DPP10: variants seen among roughly 807,000 people sequenced by gnomAD.
The protein encoded by DPP10 is dipeptidyl peptidase like 10, also known as inactive dipeptidyl peptidase 10.
DPP10 carries 33 observed loss-of-function variants against 120.9 expected under a neutral mutation model. That is an observed-to-expected ratio of 0.27 (90% confidence interval 0.21 to 0.37). The LOEUF is 0.37. DPP10 is among the 10% of genes least tolerant of loss of function. The pLI is 1.00. For missense variants in DPP10, 816 were observed against 942.8 expected (o/e 0.87, Z 1.76); for synonymous variants, 337 against 326.1 (o/e 1.03, Z -0.36).
intron 2 of DPP10, among the ~76,000 whole-genome samples, chr2:115,339,005 G>T (rs2063307389): frequency 6.6e-6 from 1 of 152,096 alleles, no homozygotes; most frequent in Admixed American, 6.6e-5. Context: ...TCTAAAGAGG[G>T]TGAAAAGACA....
At chr2:115,194,475 T>C (rs1384758957) in intron 1 of DPP10, among the ~76,000 whole-genome samples, 1 of 152,180 alleles carries the variant, frequency 6.6e-6, no homozygotes, top group Non-Finnish European at 1.5e-5. Flanking sequence ...GCCTTCGTGC[T>C]TTTGGGTAAG....
chr2:115,509,209 C>T (rs139201897), intron 4 of DPP10, among the ~76,000 whole-genome samples: 121 of 152,166 alleles, frequency 8.0e-4, no homozygotes, highest in Admixed American at 1.4e-3. Context: ...AATAAAGACA[C>T]TAGTGGATGG....
intron 1 of DPP10, among the ~76,000 whole-genome samples, chr2:115,160,880 C>G (rs557347366): frequency 6.6e-6 from 1 of 152,036 alleles, no homozygotes; most frequent in African/African-American, 2.4e-5. Flanking sequence ...TGTTTAGTTT[C>G]TCTCCCCTGC....
At chr2:114,448,295 T>G (rs1400522532) in intron 1 of DPP10, among the ~76,000 whole-genome samples, 1 of 152,232 alleles carries the variant, frequency 6.6e-6, no homozygotes, top group African/African-American at 2.4e-5. Context: ...TTTTATGAAG[T>G]ATTTAGTATT....
intron 5 of DPP10, among the ~76,000 whole-genome samples, chr2:115,585,057 T>C (rs1013576027): frequency 6.6e-6 from 1 of 152,222 alleles, no homozygotes; most frequent in Non-Finnish European, 1.5e-5. Flanking sequence ...GGCGAAGTTA[T>C]AGTAGCAATA....
chr2:115,160,814 A>G (rs961569431), intron 1 of DPP10, among the ~76,000 whole-genome samples: 14 of 151,728 alleles, frequency 9.2e-5, no homozygotes, highest in African/African-American at 3.1e-4. Flanking sequence ...CCGGGCTCCC[A>G]ATTCCCACAC....
chr2:114,947,415 T>C (rs964238093), intron 1 of DPP10, among the ~76,000 whole-genome samples: 2 of 151,872 alleles, frequency 1.3e-5, no homozygotes, highest in African/African-American at 4.8e-5. Flanking sequence ...TATAAAATTA[T>C]TTGAGAGTCA....
intron 1 of DPP10, among the ~76,000 whole-genome samples, chr2:114,616,413 G>C (rs1418946304): frequency 6.6e-6 from 1 of 152,038 alleles, no homozygotes; most frequent in Non-Finnish European, 1.5e-5. Flanking sequence ...CATTTGCCAG[G>C]ACAAGATCAT....
At chr2:114,945,126 A>G (rs1192890789) in intron 1 of DPP10, among the ~76,000 whole-genome samples, 1 of 152,240 alleles carries the variant, frequency 6.6e-6, no homozygotes, top group Non-Finnish European at 1.5e-5. Flanking sequence ...TAAAATGCAA[A>G]ACCAAAAAAT....
At chr2:115,730,914 A>C (rs565400491) in intron 8 of DPP10, among the ~76,000 whole-genome samples, 2 of 152,172 alleles carry the variant, frequency 1.3e-5, no homozygotes, top group African/African-American at 2.4e-5. Flanking sequence ...ATGTTTGTGC[A>C]TCTAATCATT....
intron 21 of DPP10, among the ~76,000 whole-genome samples, chr2:115,820,038 C>T (rs981433409): frequency 6.6e-6 from 1 of 152,132 alleles, no homozygotes; most frequent in Admixed American, 6.6e-5. Context: ...ATTAAAAATC[C>T]TTTTGAGATG....
At chr2:114,523,184 C>G (rs571598641) in intron 1 of DPP10, among the ~76,000 whole-genome samples, 1 of 152,122 alleles carries the variant, frequency 6.6e-6, no homozygotes, top group Admixed American at 6.5e-5. Flanking sequence ...CAGTCTGATC[C>G]CATAGAGAGT....
intron 11 of DPP10, among the ~76,000 whole-genome samples, chr2:115,753,687 T>C (rs1679041674): frequency 6.6e-6 from 1 of 152,140 alleles, no homozygotes; most frequent in Non-Finnish European, 1.5e-5. Flanking sequence ...TTTTCTGTAG[T>C]TCAGATAGAT....
chr2:115,224,219 T>C (rs1049594916), intron 1 of DPP10, among the ~76,000 whole-genome samples: 61 of 152,230 alleles, frequency 4.0e-4, no homozygotes, highest in African/African-American at 1.4e-3. Flanking sequence ...ATTGGGGATT[T>C]GAATGGGCTT....
At chr2:115,652,415 G>A (rs62157864) in intron 5 of DPP10, among the ~76,000 whole-genome samples, 1,731 of 68,574 alleles carry the variant, frequency 0.025, 26 homozygotes, top group African/African-American at 0.074. Flanking sequence ...ATATATGTGT[G>A]TGTGTGTGTG....
At chr2:115,049,228 T>C (rs1705288972) in intron 1 of DPP10, among the ~76,000 whole-genome samples, 1 of 152,030 alleles carries the variant, frequency 6.6e-6, no homozygotes, top group South Asian at 2.1e-4. Context: ...ATAATAATAA[T>C]GATGAAGTTG....
chr2:115,145,511 C>T (rs541745465), intron 1 of DPP10, among the ~76,000 whole-genome samples: 5 of 152,142 alleles, frequency 3.3e-5, no homozygotes, highest in Admixed American at 6.6e-5. Context: ...AATAATATTT[C>T]GTTGTATGGA....
intron 1 of DPP10, among the ~76,000 whole-genome samples, chr2:114,506,855 T>A (rs1683707187): frequency 6.6e-6 from 1 of 152,154 alleles, no homozygotes; most frequent in Admixed American, 6.5e-5. Flanking sequence ...ATTGTATTGA[T>A]TTTTGTAATT....
chr2:114,628,700 A>G (rs1206228004), intron 1 of DPP10, among the ~76,000 whole-genome samples: 1 of 152,056 alleles, frequency 6.6e-6, no homozygotes, highest in Non-Finnish European at 1.5e-5. Flanking sequence ...CAAGTATCTG[A>G]ACGGCGGGGG....
Sources: gnomAD v4.1 joint callset for allele counts (sites outside exome capture counted in the v4.1 genomes callset) on GRCh38, gnomAD v4.1.1 for gene constraint, MANE v1.5 for transcripts, NCBI Gene and HGNC (gene_info 2026-07-23, HGNC 2026-07-21) for gene names.